The following MYO18B variants were observed in gnomAD, a reference collection of about 807,000 sequenced individuals.
MYO18B encodes unconventional myosin-XVIIIb.
Under a neutral mutation model 273.0 loss-of-function variants are expected in MYO18B, and 204 were observed. That is an observed-to-expected ratio of 0.75 (90% CI 0.67 to 0.84). MYO18B has a LOEUF of 0.84. Among genes scored for constraint, MYO18B ranks in the 40% least tolerant of loss-of-function variants. The pLI is 0.00. For missense variants in MYO18B, 3,212 were observed against 3,287.6 expected (o/e 0.98, Z 0.56); for synonymous variants, 1,330 against 1,305.7 (o/e 1.02, Z -0.40).
At chr22:25,962,594 G>C (rs1044256854) in intron 39 of MYO18B, among the ~76,000 whole-genome samples, 11 of 152,178 alleles carry the variant, frequency 7.2e-5, no homozygotes, top group Admixed American at 2.0e-4. Context: ...ACTAGGGACT[G>C]TGCCCTTGCA....
chr22:25,779,929 C>T (rs2145651409), intron 8 of MYO18B, 127 bp from the exon 9 acceptor site: 1 of 1,243,098 alleles, frequency 8.0e-7, no homozygotes, highest in South Asian at 1.6e-5. Context: ...ACAGGAAGCC[C>T]ACCGGGGGCT....
intron 39 of MYO18B, among the ~76,000 whole-genome samples, chr22:25,971,160 T>C (rs1191733369): frequency 6.6e-6 from 1 of 152,348 alleles, no homozygotes; most frequent in Middle Eastern, 3.4e-3. Context: ...AATGAATAGA[T>C]GAGCGTGGTT....
chr22:26,007,435 A>G (rs969432138), intron 42 of MYO18B, among the ~76,000 whole-genome samples: 10 of 152,198 alleles, frequency 6.6e-5, no homozygotes, highest in African/African-American at 2.2e-4. Context: ...ATGCTACCAC[A>G]GCTCTCTGAC....
chr22:26,054,208 A>G, the MYO18B span, among the ~76,000 whole-genome samples: 1 of 152,178 alleles, frequency 6.6e-6, no homozygotes, highest in Non-Finnish European at 1.5e-5. Context: ...CAGCCCCAGG[A>G]CAGAGTTCTG....
intron 39 of MYO18B, chr22:25,983,293 C>G (rs1377176153): frequency 6.6e-6 from 1 of 152,164 alleles, no homozygotes; most frequent in Non-Finnish European, 1.5e-5. Context: ...CATCTGAACC[C>G]AGGAGTTCAA....
chr22:25,967,141 T>C (rs1447697641), intron 39 of MYO18B, among the ~76,000 whole-genome samples: 2 of 152,216 alleles, frequency 1.3e-5, no homozygotes, highest in Non-Finnish European at 2.9e-5. Context: ...TGAGATTTCA[T>C]CAATTGAACT....
intron 39 of MYO18B, among the ~76,000 whole-genome samples, chr22:25,979,292 G>A (rs748344348): frequency 9.2e-5 from 14 of 152,350 alleles, no homozygotes; most frequent in Admixed American, 2.6e-4. Flanking sequence ...TATGATGTGG[G>A]AAGTGTAGTG....
chr22:25,871,309 G>A (rs985006791), intron 22 of MYO18B, among the ~76,000 whole-genome samples: 2 of 152,148 alleles, frequency 1.3e-5, no homozygotes, highest in African/African-American at 4.8e-5. Context: ...TGGCTGTGGG[G>A]ATCCATAAAG....
At chr22:26,042,403 C>T in the MYO18B span, among the ~76,000 whole-genome samples, 4 of 152,208 alleles carry the variant, frequency 2.6e-5, no homozygotes, top group Admixed American at 2.6e-4. Context: ...CCCGGCCTGC[C>T]CTTGCAAATA....
rs546595469 is a variant in MYO18B at position 26,030,111 on chromosome 22, C to T, written c.*13-332C>T. Among the ~76,000 whole-genome samples, 10 of 152,268 alleles carry T rather than the reference C, an allele frequency of 6.6e-5. No individual in the cohort carries two copies. The East Asian group carries it at 1.9e-3, about 29-fold the overall frequency. ...CCTGGCCAGGCACAGTGGCTCATGC[C>T]CATAATCCCAGTTCTTTGGGAGGCT... is the stretch of plus-strand genomic sequence containing the variant. On this transcript the variant is annotated intron_variant, in intron 43 of 43. Coordinates refer to ENST00000335473, the MANE Select transcript of MYO18B (RefSeq NM_032608.7).
chr22:25,956,087 C>T (rs555564887), intron 39 of MYO18B, among the ~76,000 whole-genome samples: 3 of 152,208 alleles, frequency 2.0e-5, no homozygotes, highest in Admixed American at 6.5e-5. Context: ...ATTGAGGCTC[C>T]GAATGGTCCA....
At chr22:25,965,073 G>A (rs2092962500) in intron 39 of MYO18B, 1 of 152,242 alleles carries the variant, frequency 6.6e-6, no homozygotes, top group Non-Finnish European at 1.5e-5. Flanking sequence ...GGGACCATGG[G>A]TGTGATCTCC....
the MYO18B span, among the ~76,000 whole-genome samples, chr22:26,042,170 A>G: frequency 2.6e-5 from 4 of 152,238 alleles, no homozygotes; most frequent in Non-Finnish European, 5.9e-5. Flanking sequence ...ACCAGGTGTC[A>G]GGCAGGCCTG....
intron 34 of MYO18B, among the ~76,000 whole-genome samples, chr22:25,921,815 AGTGTGTGTGTGTGTGTGTGTGT>A (rs71191088): frequency 1.5e-5 from 2 of 130,464 alleles, no homozygotes; most frequent in South Asian, 2.7e-4. Context: ...AAATAGCAAT[AGTGTGTGTGTGTGTGTGTGTGT>A]GTGTGTGTGT....
rs756572186 is a variant in MYO18B at position 26,027,314 on chromosome 22, C to T, written c.7340C>T (p.Ala2447Val). Residue 2447 changes from alanine (A) to valine (V), a missense_variant, in exon 43 of 44, where the codon GCT becomes GTT. By Grantham distance (64) the Ala-to-Val change is moderately conservative. Coordinates refer to ENST00000335473, the MANE Select transcript of MYO18B (RefSeq NM_032608.7). The surrounding 1 kb of genome is among the most constrained non-coding windows in gnomAD (Gnocchi z 4.1). ...TKVDFDDFLP[A>V]IRKPQTPTSL... ...GTGGACTTCGATGACTTCCTCCCAG[C>T]TATCCGGAAGCCCCAGACACCTACC... The T allele has an allele frequency of 3.7e-6, 6 of 1,614,034 alleles. No individual in the cohort carries two copies. The highest frequency in any genetic ancestry group is 1.1e-5 in the South Asian group (1 of 91,086).
At chr22:25,823,893 C>A (rs987055375) in intron 13 of MYO18B, among the ~76,000 whole-genome samples, 5 of 152,228 alleles carry the variant, frequency 3.3e-5, no homozygotes, top group African/African-American at 1.2e-4. Context: ...ATGAAGGCTG[C>A]TGAAACCTGG....
intron 21 of MYO18B, among the ~76,000 whole-genome samples, chr22:25,853,623 CCT>C (rs1382047969): frequency 6.6e-6 from 1 of 152,098 alleles, no homozygotes; most frequent in African/African-American, 2.4e-5. Flanking sequence ...GTCTTGGGCT[CCT>C]CTGTGGTTGA....
chr22:25,993,776 G>C (rs1932938460), intron 40 of MYO18B, among the ~76,000 whole-genome samples: 1 of 152,066 alleles, frequency 6.6e-6, no homozygotes, highest in Non-Finnish European at 1.5e-5. Flanking sequence ...AATCAGCTCT[G>C]GTTTAGCCAG....
At position 25,883,837 on chromosome 22, in the gene MYO18B, G is replaced by A. The variant is rs1325384634; in HGVS notation, c.4314+5789G>A. On this transcript the variant is annotated intron_variant, in intron 25 of 43. Coordinates refer to ENST00000335473, the MANE Select transcript of MYO18B (RefSeq NM_032608.7). The surrounding 1 kb of genome is among the most constrained non-coding windows in gnomAD (Gnocchi z 7.6). ...TAAGTGCTTCATTTGTGAAGGAGCA[G>A]AAGAGGAGATGAGGAGCCTCTAAGA... is the stretch of plus-strand genomic sequence containing the variant. 1.3e-5 allele frequency: 2 copies of A among 152,232 alleles called. No homozygotes were observed. Among genetic ancestry groups the A allele is most frequent in the African/African-American group, 2.4e-5 (1 of 41,474 alleles). The allele number at this position is 152,232 out of a possible 1,614,324, so 9.4% of individuals were successfully genotyped here. A position where few individuals can be genotyped will look rare whatever the true frequency, so the allele number is the denominator to read the frequency against.
Sources: gnomAD v4.1 joint callset for allele counts (sites outside exome capture counted in the v4.1 genomes callset) on GRCh38, gnomAD v4.1.1 for gene constraint, Gnocchi (gnomAD v3.1) non-coding constraint, MANE v1.5 for transcripts, NCBI Gene and HGNC (gene_info 2026-07-23, HGNC 2026-07-21) for gene names.